SORCS2: variants seen among roughly 807,000 people sequenced by gnomAD.
SORCS2 encodes the protein VPS10 domain-containing receptor SorCS2.
SORCS2 carries 100 observed loss-of-function variants against 141.6 expected under a neutral mutation model. The observed-to-expected ratio is 0.71, with a 90% CI of 0.60 to 0.83. The LOEUF (loss-of-function observed/expected upper bound fraction) is 0.83. SORCS2 is among the 40% of genes least tolerant of loss of function. The pLI is 0.00. For synonymous variants in SORCS2, 789 were observed against 676.9 expected (o/e 1.17, Z -2.57); for missense variants, 1,646 against 1,560.2 (o/e 1.05, Z -0.93).
intron 1 of SORCS2, among the ~76,000 whole-genome samples, chr4:7,225,688 C>T (rs895939654): frequency 3.5e-4 from 54 of 152,258 alleles, no homozygotes; most frequent in African/African-American, 1.3e-3. Flanking sequence ...GCATGGATGT[C>T]TCTATCCGCA....
chr4:7,728,282 C>T (rs1727361068), intron 21 of SORCS2, 68 bp from the exon 22 acceptor site: 1 of 1,215,944 alleles, frequency 8.2e-7, no homozygotes, highest in South Asian at 1.3e-5. Context: ...GCCCCCGACC[C>T]CCACCCTGGA....
intron 3 of SORCS2, among the ~76,000 whole-genome samples, chr4:7,627,769 G>C (rs570597057): frequency 2.6e-5 from 4 of 152,222 alleles, no homozygotes; most frequent in Non-Finnish European, 5.9e-5. Flanking sequence ...AGATCAACTC[G>C]TTTTATTTGG....
intron 3 of SORCS2, among the ~76,000 whole-genome samples, chr4:7,636,590 A>T (rs7679741): frequency 6.6e-6 from 1 of 151,494 alleles, no homozygotes; most frequent in Non-Finnish European, 1.5e-5. Flanking sequence ...CTGTCATTCC[A>T]AATGTAGAGA....
rs536458557 is a variant in SORCS2 at position 7,615,640 on chromosome 4, C to G, written c.649-22688C>G. Among the ~76,000 whole-genome samples the G allele has an allele frequency of 6.6e-5, 10 of 152,342 alleles. No homozygotes were observed. The South Asian group carries it at 1.9e-3, about 28-fold the overall frequency. ...TCCATCACCTGAAATAACTTCCTCC[C>G]ACGGTAGATTTCCCCAACTGTTCTT... On this transcript the variant is annotated intron_variant, in intron 3 of 26. Transcript: ENST00000507866.
At chr4:7,220,500 A>T (rs929071266) in intron 1 of SORCS2, among the ~76,000 whole-genome samples, 3 of 152,154 alleles carry the variant, frequency 2.0e-5, no homozygotes, top group African/African-American at 7.2e-5. Flanking sequence ...GATGCCAAGC[A>T]GGGCCAGATG....
intron 3 of SORCS2, among the ~76,000 whole-genome samples, chr4:7,631,234 G>A (rs1719872789): frequency 6.6e-6 from 1 of 151,518 alleles, no homozygotes; most frequent in Admixed American, 6.6e-5. Context: ...AGTCACCGCT[G>A]GCTCCTGCAG....
At chr4:7,258,569 C>T (rs1238848129) in intron 1 of SORCS2, among the ~76,000 whole-genome samples, 1 of 152,176 alleles carries the variant, frequency 6.6e-6, no homozygotes, top group African/African-American at 2.4e-5. Flanking sequence ...GGGCTGGTTC[C>T]AAGTCTTTGC....
chr4:7,452,234 A>G (rs924363834), intron 2 of SORCS2, among the ~76,000 whole-genome samples: 1 of 151,026 alleles, frequency 6.6e-6, no homozygotes, highest in South Asian at 2.1e-4. Flanking sequence ...TCTGCCTCCT[A>G]TGTTCAGGCA....
intron 2 of SORCS2, among the ~76,000 whole-genome samples, chr4:7,512,426 G>A (rs1017559071): frequency 2.7e-5 from 4 of 150,140 alleles, no homozygotes; most frequent in African/African-American, 9.8e-5. Flanking sequence ...GGAGGGAGGA[G>A]GGGGAAGGGA....
chr4:7,256,538 A>G (rs1425866257), intron 1 of SORCS2, among the ~76,000 whole-genome samples: 1 of 152,064 alleles, frequency 6.6e-6, no homozygotes, highest in Non-Finnish European at 1.5e-5. Context: ...TATTCATTGA[A>G]TACCCACAAA....
At chr4:7,460,432 C>T (rs982824686) in intron 2 of SORCS2, among the ~76,000 whole-genome samples, 1 of 152,206 alleles carries the variant, frequency 6.6e-6, no homozygotes, top group East Asian at 1.9e-4. Flanking sequence ...CAGAACAGCT[C>T]GGTGGTCAAA....
intron 2 of SORCS2, among the ~76,000 whole-genome samples, chr4:7,452,762 G>A (rs1051026293): frequency 8.5e-5 from 13 of 152,210 alleles, no homozygotes; most frequent in African/African-American, 2.9e-4. Context: ...GGTGAGCAGC[G>A]TCCAGCAGAG....
chr4:7,378,168 C>T (rs1722773754), intron 1 of SORCS2, among the ~76,000 whole-genome samples: 1 of 152,106 alleles, frequency 6.6e-6, no homozygotes, highest in Non-Finnish European at 1.5e-5. Flanking sequence ...TCTTCATGGC[C>T]ATGAAAATGA....
At chr4:7,297,299 C>T (rs933292280) in intron 1 of SORCS2, among the ~76,000 whole-genome samples, 7 of 152,170 alleles carry the variant, frequency 4.6e-5, no homozygotes, top group African/African-American at 1.2e-4. Flanking sequence ...CCCCCAGAGT[C>T]GGTGGGGCTG....
intron 1 of SORCS2, among the ~76,000 whole-genome samples, chr4:7,288,761 G>A (rs567436998): frequency 1.0e-4 from 14 of 139,668 alleles, no homozygotes; most frequent in East Asian, 2.2e-4. Flanking sequence ...CATTGGCAGC[G>A]AGGGCATCAA....
At chr4:7,435,402 C>T (rs564426120) in intron 2 of SORCS2, among the ~76,000 whole-genome samples, 2 of 152,356 alleles carry the variant, frequency 1.3e-5, no homozygotes, top group African/African-American at 2.4e-5. Flanking sequence ...CTGGATGCCA[C>T]TGTTTTCTAA....
rs571528004 is a variant in SORCS2, at chr4:7,490,300, G to A, written c.549-41230G>A. Among the ~76,000 whole-genome samples, 10 of 152,272 alleles carry A rather than the reference G, an allele frequency of 6.6e-5. No homozygotes were observed. In the South Asian group the frequency reaches 1.9e-3, roughly 28 times the overall value. On this transcript the variant is annotated intron_variant, in intron 2 of 26. Coordinates refer to ENST00000507866, the MANE Select transcript of SORCS2 (RefSeq NM_020777.3). ...CTGGGGGGAGCTCAACACAGCTCAG[G>A]ACAGTGCGGGGTCCCAGCCTGCCTC... is the stretch of plus-strand genomic sequence containing the variant.
chr4:7,444,775 A>T (rs1235368177), intron 2 of SORCS2, among the ~76,000 whole-genome samples: 1 of 152,240 alleles, frequency 6.6e-6, no homozygotes, highest in East Asian at 1.9e-4. Context: ...GAGAAGCCAC[A>T]GGGCCTCAGG....
intron 3 of SORCS2, among the ~76,000 whole-genome samples, chr4:7,619,009 A>T (rs971913350): frequency 6.6e-6 from 1 of 152,220 alleles, no homozygotes; most frequent in Non-Finnish European, 1.5e-5. Flanking sequence ...GTGAGAGTAG[A>T]TGCTTTTCTC....
Sources: gnomAD v4.1 joint callset for allele counts (sites outside exome capture counted in the v4.1 genomes callset) on GRCh38, gnomAD v4.1.1 for gene constraint, MANE v1.5 for transcripts, NCBI Gene and HGNC (gene_info 2026-07-23, HGNC 2026-07-21) for gene names.